UNC5D: variants seen among roughly 807,000 people sequenced by gnomAD.
UNC5D encodes the protein netrin receptor UNC5D.
UNC5D carries 39 observed loss-of-function variants against 105.4 expected under a neutral mutation model. The observed-to-expected ratio is 0.37, with a 90% CI of 0.29 to 0.48. The LOEUF (loss-of-function observed/expected upper bound fraction) is 0.48, where lower values mean the gene tolerates loss of function less well. UNC5D is among the 20% of genes least tolerant of loss of function. The pLI is 0.98. For synonymous variants in UNC5D, 452 were observed against 450.4 expected, an observed-to-expected ratio of 1.00 and a Z score of -0.04; for missense variants, 991 against 1,202.4, an observed-to-expected ratio of 0.82 and a Z score of 2.60.
intron 1 of UNC5D, among the ~76,000 whole-genome samples, chr8:35,517,935 C>T (rs1267335121): frequency 6.6e-6 from 1 of 152,050 alleles, no homozygotes; most frequent in Non-Finnish European, 1.5e-5. Context: ...CACAGGTGCC[C>T]CTTTCATAAG....
At position 35,283,002 on chromosome 8, in the gene UNC5D, C is replaced by A. The variant is rs188881207; in HGVS notation, c.103+47115C>A. ...CTAACACTTTCAATGTTTTATAACTCCCAGGCTGGCTAAAAGTAATAATAC... is the reference window on the plus strand; with the variant it reads ...CTAACACTTTCAATGTTTTATAACTACCAGGCTGGCTAAAAGTAATAATAC... On this transcript the variant is annotated intron_variant, in intron 1 of 16. Transcript: ENST00000404895. Among the ~76,000 whole-genome samples the A allele has an allele frequency of 3.1e-3, 467 of 152,196 alleles. 2 individuals are homozygous for A. Among genetic ancestry groups the A allele is most frequent in the African/African-American group, 0.011 (442 of 41,510 alleles).
chr8:35,299,028 G>T (rs1807718362), intron 1 of UNC5D, among the ~76,000 whole-genome samples: 1 of 152,172 alleles, frequency 6.6e-6, no homozygotes, highest in Non-Finnish European at 1.5e-5. Flanking sequence ...AAACACTTGT[G>T]CAAGGGAGTC....
chr8:35,529,493 G>A (rs1336848098), intron 1 of UNC5D, among the ~76,000 whole-genome samples: 9 of 144,648 alleles, frequency 6.2e-5, no homozygotes, highest in African/African-American at 2.1e-4. Context: ...GATGCCTCCA[G>A]CTTTGTTCTT....
chr8:35,271,396 C>A (rs28733212), intron 1 of UNC5D, among the ~76,000 whole-genome samples: 2 of 129,512 alleles, frequency 1.5e-5, no homozygotes, highest in Non-Finnish European at 1.6e-5. Context: ...CACACATGCA[C>A]GTGTGTATGT....
rs117103079 is a variant in UNC5D at position 35,557,404 on chromosome 8, C to T, written c.322+7894C>T. ...GCGCACATGCACATTCAAAGGATAA[C>T]TATTTTATTTTTGGTCAAGATACAT... is the stretch of plus-strand genomic sequence containing the variant. On this transcript the variant is annotated intron_variant, in intron 2 of 16. Coordinates refer to ENST00000404895, the MANE Select transcript of UNC5D (RefSeq NM_080872.4). Among the ~76,000 whole-genome samples the T allele has an allele frequency of 4.1e-3, 620 of 152,278 alleles. 1 individual carries two copies. The highest frequency in any genetic ancestry group is 0.024 in the Middle Eastern group (7 of 294).
intron 1 of UNC5D, among the ~76,000 whole-genome samples, chr8:35,463,634 AAGCT>A (rs1215767173): frequency 6.6e-6 from 1 of 151,536 alleles, no homozygotes. Context: ...AAAAAAAAAA[AAGCT>A]AGCCAGGTGT....
chr8:35,626,242 G>A (rs1204326444), intron 4 of UNC5D, among the ~76,000 whole-genome samples: 1 of 151,090 alleles, frequency 6.6e-6, no homozygotes, highest in Non-Finnish European at 1.5e-5. Flanking sequence ...ATCTAAGGAA[G>A]TCTCAATATA....
intron 4 of UNC5D, among the ~76,000 whole-genome samples, chr8:35,621,419 A>T (rs1037298136): frequency 1.3e-5 from 2 of 152,180 alleles, no homozygotes; most frequent in African/African-American, 4.8e-5. Context: ...AATTGACAAG[A>T]CTAGGCAAAA....
intron 1 of UNC5D, among the ~76,000 whole-genome samples, chr8:35,513,018 C>T (rs2130375671): frequency 6.6e-6 from 1 of 150,730 alleles, no homozygotes; most frequent in South Asian, 2.1e-4. Flanking sequence ...TTCTCTGTAG[C>T]TTCCTACCTG....
At chr8:35,620,557 C>T (rs1447224157) in intron 4 of UNC5D, among the ~76,000 whole-genome samples, 1 of 151,592 alleles carries the variant, frequency 6.6e-6, no homozygotes, top group African/African-American at 2.4e-5. Flanking sequence ...TCTGCTTTTA[C>T]CCTGTGTGCC....
chr8:35,643,643 G>A (rs1404930881), intron 4 of UNC5D, among the ~76,000 whole-genome samples: 1 of 152,130 alleles, frequency 6.6e-6, no homozygotes, highest in East Asian at 1.9e-4. Flanking sequence ...GCCTCCCAAA[G>A]TGCTGGGATT....
chr8:35,304,021 G>A (rs1808156542), intron 1 of UNC5D, among the ~76,000 whole-genome samples: 3 of 152,018 alleles, frequency 2.0e-5, no homozygotes, highest in Admixed American at 1.3e-4. Context: ...TTTCTCAAAG[G>A]GACTCACGTG....
intron 1 of UNC5D, among the ~76,000 whole-genome samples, chr8:35,284,318 T>A (rs1191622676): frequency 3.9e-5 from 6 of 152,182 alleles, no homozygotes; most frequent in African/African-American, 1.4e-4. Flanking sequence ...GCTTAAAAAA[T>A]TCACTACTTT....
At chr8:35,749,571 A>G (rs1830166344) in intron 12 of UNC5D, among the ~76,000 whole-genome samples, 1 of 152,184 alleles carries the variant, frequency 6.6e-6, no homozygotes, top group South Asian at 2.1e-4. Flanking sequence ...TACCCTGCCA[A>G]CTAGTGTCTT....
At chr8:35,586,038 C>T (rs959043558) in intron 3 of UNC5D, among the ~76,000 whole-genome samples, 3 of 151,918 alleles carry the variant, frequency 2.0e-5, no homozygotes, top group Non-Finnish European at 1.5e-5. Context: ...TTTGGGAGGC[C>T]GAGGCGGGTG....
chr8:35,783,072 G>T (rs1180010395), intron 16 of UNC5D, among the ~76,000 whole-genome samples: 1 of 151,974 alleles, frequency 6.6e-6, no homozygotes, highest in Non-Finnish European at 1.5e-5. Context: ...GAGCCTGAGA[G>T]GTCAAAGCTG....
At chr8:35,284,374 C>T (rs1363509079) in intron 1 of UNC5D, among the ~76,000 whole-genome samples, 1 of 152,172 alleles carries the variant, frequency 6.6e-6, no homozygotes, top group Non-Finnish European at 1.5e-5. Flanking sequence ...ATATTACCTT[C>T]TTTCACTACT....
At chr8:35,414,761 C>A (rs1370796276) in intron 1 of UNC5D, among the ~76,000 whole-genome samples, 1 of 152,092 alleles carries the variant, frequency 6.6e-6, no homozygotes, top group African/African-American at 2.4e-5. Flanking sequence ...TCTCATCAGT[C>A]ACACTGGTTG....
chr8:35,416,339 A>G (rs1264585989), intron 1 of UNC5D, among the ~76,000 whole-genome samples: 2 of 152,198 alleles, frequency 1.3e-5, no homozygotes, highest in Non-Finnish European at 2.9e-5. Flanking sequence ...TCTAAAGAGA[A>G]GTACAGAGCC....
Sources: gnomAD v4.1 joint callset for allele counts (sites outside exome capture counted in the v4.1 genomes callset) on GRCh38, gnomAD v4.1.1 for gene constraint, MANE v1.5 for transcripts, NCBI Gene and HGNC (gene_info 2026-07-23, HGNC 2026-07-21) for gene names.